The following ADAMTS12 variants were observed in gnomAD, a reference collection of about 807,000 sequenced individuals.
ADAMTS12 encodes the protein A disintegrin and metalloproteinase with thrombospondin motifs 12.
ADAMTS12 carries 118 observed loss-of-function variants against 167.8 expected under a neutral mutation model. The observed-to-expected ratio is 0.70, with a 90% CI of 0.61 to 0.82. ADAMTS12 has a LOEUF of 0.82. Among genes scored for constraint, ADAMTS12 ranks in the 40% least tolerant of loss-of-function variants. The pLI, the probability that ADAMTS12 is intolerant of heterozygous loss-of-function variation, is 0.00. For synonymous variants in ADAMTS12, 704 were observed against 716.9 expected, an observed-to-expected ratio of 0.98 and a Z score of 0.29; for missense variants, 1,916 against 1,998.8, an observed-to-expected ratio of 0.96 and a Z score of 0.79.
chr5:33,721,214 G>A (rs1743793634), intron 3 of ADAMTS12, among the ~76,000 whole-genome samples: 1 of 152,168 alleles, frequency 6.6e-6, no homozygotes, highest in South Asian at 2.1e-4. Context: ...CTGGGGAGAG[G>A]GATGACTAGA....
chr5:33,546,054 C>T lies in ADAMTS12; in HGVS notation c.4446+5G>A. 1 of 1,604,676 alleles carries T rather than the reference C, an allele frequency of 6.2e-7. No individual in the cohort carries two copies. Among genetic ancestry groups the T allele is most frequent in the Non-Finnish European group, 8.5e-7 (1 of 1,177,234 alleles). On this transcript the variant is annotated splice_donor_5th_base_variant and intron_variant, in intron 22 of 23. Transcript: ENST00000504830. Reference sequence around the variant, plus strand: ...GTAAAAAAAGTATGTATAACCAAGTCTTACCAGGTCCCAGTTCCCAGTGGC... The same window carrying T: ...GTAAAAAAAGTATGTATAACCAAGTTTTACCAGGTCCCAGTTCCCAGTGGC...
chr5:33,601,665 T>C (rs929629103), intron 16 of ADAMTS12, among the ~76,000 whole-genome samples: 11 of 152,182 alleles, frequency 7.2e-5, no homozygotes, highest in African/African-American at 2.7e-4. Context: ...AACATTGACA[T>C]TGACTTCAAT....
At chr5:33,708,353 G>A (rs553227936) in intron 3 of ADAMTS12, among the ~76,000 whole-genome samples, 11 of 152,302 alleles carry the variant, frequency 7.2e-5, no homozygotes, top group African/African-American at 2.6e-4. Flanking sequence ...TGGTGGGAGA[G>A]TAAATTAGTT....
chr5:33,825,704 T>C (rs1024776414), intron 2 of ADAMTS12, among the ~76,000 whole-genome samples: 1 of 152,222 alleles, frequency 6.6e-6, no homozygotes. Context: ...CTAAAATGTA[T>C]GGTTTTTGCT....
At chr5:33,670,579 C>CA (rs1741647696) in intron 5 of ADAMTS12, among the ~76,000 whole-genome samples, 1 of 152,072 alleles carries the variant, frequency 6.6e-6, no homozygotes, top group African/African-American at 2.4e-5. Flanking sequence ...CCGTCCCTAT[C>CA]AAAAGTACAA....
At chr5:33,746,799 T>G (rs1322637746) in intron 3 of ADAMTS12, among the ~76,000 whole-genome samples, 1 of 152,218 alleles carries the variant, frequency 6.6e-6, no homozygotes, top group Non-Finnish European at 1.5e-5. Context: ...TTACTCTTCA[T>G]AATGTAGCAG....
intron 3 of ADAMTS12, among the ~76,000 whole-genome samples, chr5:33,709,600 C>G (rs13169978): frequency 0.53 from 80,430 of 151,732 alleles, 24,220 homozygotes; most frequent in Non-Finnish European, 0.69. Context: ...CAAACTAAAG[C>G]AGGAACAGAA....
rs576308733 is a variant in ADAMTS12, at chr5:33,615,795, A to G, written c.2388+33T>C. On this transcript the variant is annotated intron_variant, in intron 15 of 23. Transcript: ENST00000504830. ...AAAGGAGAAGTATTCTAACTAGCAC[A>G]CATGTCAGCAGTTTCCCTCCTTTCT... The G allele has an allele frequency of 5.1e-5, 82 of 1,612,400 alleles. 2 individuals are homozygous for G. In the South Asian group the frequency reaches 8.6e-4, roughly 17 times the overall value.
At chr5:33,823,595 A>C (rs1747944537) in intron 2 of ADAMTS12, among the ~76,000 whole-genome samples, 1 of 151,758 alleles carries the variant, frequency 6.6e-6, no homozygotes, top group Non-Finnish European at 1.5e-5. Context: ...GGGGAGACTC[A>C]GCCCCCAGTG....
At chr5:33,607,916 T>G (rs2112073899) in intron 16 of ADAMTS12, among the ~76,000 whole-genome samples, 1 of 152,304 alleles carries the variant, frequency 6.6e-6, no homozygotes, top group Admixed American at 6.5e-5. Context: ...GATAAGGAAT[T>G]TTAATACTAA....
At chr5:33,835,930 TC>T (rs1561298575) in intron 2 of ADAMTS12, among the ~76,000 whole-genome samples, 2 of 51,618 alleles carry the variant, frequency 3.9e-5, no homozygotes, top group East Asian at 1.0e-3. Context: ...TCTCTCTCTC[TC>T]TCTCTCTCTC....
intron 19 of ADAMTS12, among the ~76,000 whole-genome samples, chr5:33,574,220 C>A (rs1230184796): frequency 6.6e-6 from 1 of 151,868 alleles, no homozygotes; most frequent in East Asian, 1.9e-4. Context: ...CTAGAAATAC[C>A]ATTTGACCCA....
chr5:33,551,693 C>A (rs1203120670), intron 20 of ADAMTS12, among the ~76,000 whole-genome samples: 1 of 152,144 alleles, frequency 6.6e-6, no homozygotes, highest in Admixed American at 6.5e-5. Context: ...ACTCTTTTGT[C>A]AAGAGCATGT....
intron 2 of ADAMTS12, among the ~76,000 whole-genome samples, chr5:33,811,921 A>G (rs1747476712): frequency 1.3e-5 from 2 of 152,134 alleles, no homozygotes. Context: ...TTTACAGATG[A>G]ACTTGGGAGG....
Position 33,559,514 on chromosome 5 carries a change from G to A in ADAMTS12, c.4125+1513C>T, listed in dbSNP as rs117055317. Among the ~76,000 whole-genome samples, 7 of 152,292 alleles carry A rather than the reference G, an allele frequency of 4.6e-5. No homozygotes were observed. In the East Asian group the frequency reaches 1.4e-3, roughly 29 times the overall value. On this transcript the variant is annotated intron_variant, in intron 20 of 23. Transcript: ENST00000504830. ...AAAACCTGATACGTTCTTTTCACAA[G>A]GAACTATGGAGACAGCACAGCAAAA...
intron 20 of ADAMTS12, among the ~76,000 whole-genome samples, chr5:33,555,821 T>C (rs1337514410): frequency 6.6e-6 from 1 of 152,206 alleles, no homozygotes; most frequent in Admixed American, 6.5e-5. Flanking sequence ...AAAGCTTCCA[T>C]GCAATGTCAG....
chr5:33,824,929 T>G (rs376685652), intron 2 of ADAMTS12, among the ~76,000 whole-genome samples: 22 of 152,216 alleles, frequency 1.4e-4, no homozygotes, highest in African/African-American at 4.6e-4. Flanking sequence ...AAAAGCCACA[T>G]GATGAAGGAG....
intron 14 of ADAMTS12, among the ~76,000 whole-genome samples, chr5:33,623,028 C>T (rs968723752): frequency 2.6e-5 from 4 of 152,142 alleles, no homozygotes; most frequent in Admixed American, 2.6e-4. Context: ...TAAATTTAGA[C>T]TGTTTGCTGT....
chr5:33,825,555 G>C (rs1748033931), intron 2 of ADAMTS12, among the ~76,000 whole-genome samples: 1 of 152,196 alleles, frequency 6.6e-6, no homozygotes, highest in Admixed American at 6.5e-5. Flanking sequence ...AACCCAAAAG[G>C]AACTAAAGGG....
Sources: allele counts gnomAD v4.1 joint callset (sites outside exome capture counted in the v4.1 genomes callset), GRCh38; gene constraint gnomAD v4.1.1; transcripts MANE v1.5; gene names NCBI Gene and HGNC (gene_info 2026-07-23, HGNC 2026-07-21).